Variants in CARS2 observed in about 807,000 individuals in gnomAD.
CARS2 encodes the protein cysteinyl-tRNA synthetase 2, mitochondrial, also known as probable cysteine--tRNA ligase, mitochondrial.
CARS2 carries 52 observed loss-of-function variants against 68.8 expected under a neutral mutation model. That is an observed-to-expected ratio of 0.76 (90% CI 0.61 to 0.95). The LOEUF is 0.95. Among genes scored for constraint, CARS2 ranks in the 40% least tolerant of loss-of-function variants. CARS2 has a pLI of 0.00. For missense variants in CARS2, 780 were observed against 754.2 expected (o/e 1.03, Z -0.40); for synonymous variants, 314 against 303.6 (o/e 1.03, Z -0.36).
chr13:110,642,699 T>C (rs531077614), intron 13 of CARS2, 178 bp from the exon 14 acceptor site: 1 of 768,898 alleles, frequency 1.3e-6, no homozygotes, highest in South Asian at 1.4e-5. Flanking sequence ...AGCGCTGGGC[T>C]CTGGGCAAGG....
intron 13 of CARS2, chr13:110,643,673 CAG>C (rs1887701530): frequency 6.4e-6 from 1 of 157,246 alleles, no homozygotes; most frequent in African/African-American, 2.4e-5. Context: ...CAAAGAATGA[CAG>C]GGATGTTCAG....
intron 2 of CARS2, among the ~76,000 whole-genome samples, chr13:110,702,064 G>A (rs11618941): frequency 0.066 from 10,040 of 152,208 alleles, 474 homozygotes; most frequent in Non-Finnish European, 0.11. Context: ...TACTACACTG[G>A]GGTAATTCAG....
intron 13 of CARS2, chr13:110,643,360 T>C (rs997676593): frequency 1.3e-5 from 2 of 155,124 alleles, no homozygotes; most frequent in Non-Finnish European, 2.9e-5. Context: ...AGTCGACTTT[T>C]ATGTGATTGG....
intron 14 of CARS2, among the ~76,000 whole-genome samples, chr13:110,642,038 CTAAAAATAAAAAA>C (rs2139665526): frequency 6.6e-6 from 1 of 151,884 alleles, no homozygotes; most frequent in African/African-American, 2.4e-5. Flanking sequence ...CCTGTCTCTA[CTAAAAATAAAAAA>C]TCAGCCGAGC....
At chr13:110,710,674 A>G (rs4773241), upstream of CARS2, among the ~76,000 whole-genome samples, 101,874 of 152,008 alleles carry the variant, frequency 0.67, 34,902 homozygotes, top group South Asian at 0.77. Flanking sequence ...TTATTGCTTG[A>G]TCTTCTAAGT....
chr13:110,654,021 C>T (rs1268673067), intron 9 of CARS2, among the ~76,000 whole-genome samples: 1 of 152,206 alleles, frequency 6.6e-6, no homozygotes, highest in African/African-American at 2.4e-5. Flanking sequence ...TCTCCCAGAG[C>T]CCAGGCCGGA....
chr13:110,661,394 T>C (rs899589547), intron 9 of CARS2, among the ~76,000 whole-genome samples: 4 of 152,358 alleles, frequency 2.6e-5, no homozygotes, highest in Non-Finnish European at 2.9e-5. Context: ...TCAGCCTTCA[T>C]AGAACTGAAG....
intron 1 of CARS2, chr13:110,712,537 G>GT: frequency 3.2e-6 from 1 of 313,690 alleles, no homozygotes; most frequent in Non-Finnish European, 6.3e-6. Flanking sequence ...GGAAGGGGGG[G>GT]GGCCGGCGCG....
In CARS2 at chr13:110,666,605, C is replaced by G. The variant is rs959805695; in HGVS notation, c.919+735G>C. ...TGAACTCTGCTGCGGACCAGAAAAC[C>G]AGAGCACTTCTGCACTTAATGTCAC... On this transcript the variant is annotated intron_variant, in intron 8 of 14. Coordinates refer to ENST00000257347, the MANE Select transcript of CARS2 (RefSeq NM_024537.4). The G allele has an allele frequency of 6.1e-6, 6 of 985,306 alleles. No homozygotes were observed. The African/African-American group carries it at 1.0e-4, about 17-fold the overall frequency. The allele number at this position is 985,306 out of a possible 1,614,324, so 61.0% of individuals were successfully genotyped here.
intron 7 of CARS2, among the ~76,000 whole-genome samples, chr13:110,672,298 G>T (rs1340677052): frequency 1.3e-5 from 2 of 152,074 alleles, no homozygotes; most frequent in African/African-American, 4.8e-5. Context: ...ATTCCAAAAT[G>T]GACCACATAT....
intron 1 of CARS2, among the ~76,000 whole-genome samples, chr13:110,712,013 G>A (rs2064032650): frequency 6.6e-6 from 1 of 152,214 alleles, no homozygotes; most frequent in Non-Finnish European, 1.5e-5. Context: ...CTTACCACCA[G>A]AATGTGTATC....
intron 9 of CARS2, among the ~76,000 whole-genome samples, chr13:110,658,350 G>A (rs1465365880): frequency 6.6e-6 from 1 of 152,106 alleles, no homozygotes; most frequent in Non-Finnish European, 1.5e-5. Flanking sequence ...AAGTAGAAGG[G>A]TTGTTGCCAA....
chr13:110,691,974 A>G (rs1015152746), intron 3 of CARS2, among the ~76,000 whole-genome samples: 2 of 126,270 alleles, frequency 1.6e-5, no homozygotes, highest in Non-Finnish European at 1.7e-5. Context: ...ATCCTACCAC[A>G]TAAAGCTGTG....
rs2062777299 is a variant in CARS2 at position 110,670,653 on chromosome 13, C to T, written c.786-3180G>A. Among the ~76,000 whole-genome samples, 1 of 152,198 alleles carries T rather than the reference C, an allele frequency of 6.6e-6. No homozygotes were observed. The highest frequency in any genetic ancestry group is 1.5e-5 in the Non-Finnish European group (1 of 68,034). Reference sequence around the variant, plus strand: ...AATTCTAAAAATCAGAGCGCCTCTTCTCCTCCAAAGAAACGCAGCTCCTCA... The same window carrying T: ...AATTCTAAAAATCAGAGCGCCTCTTTTCCTCCAAAGAAACGCAGCTCCTCA... On this transcript the variant is annotated intron_variant, in intron 7 of 14. Coordinates refer to ENST00000257347, the MANE Select transcript of CARS2 (RefSeq NM_024537.4). The surrounding 1 kb of genome is among the most constrained non-coding windows in gnomAD (Gnocchi z 4.1).
At chr13:110,652,142 T>G (rs72661663) in intron 9 of CARS2, among the ~76,000 whole-genome samples, 20,296 of 152,284 alleles carry the variant, frequency 0.13, 1,838 homozygotes, top group Admixed American at 0.27. Flanking sequence ...GGAGTGAGAA[T>G]TGCGTTTCCG....
rs2062613047 is a variant in CARS2, at chr13:110,665,129, G to A, written c.920-1611C>T. 1.0e-6 allele frequency: 1 copy of A among 985,336 alleles called. No homozygotes were observed. Among genetic ancestry groups the A allele is most frequent in the Non-Finnish European group, 1.2e-6 (1 of 829,920 alleles). The allele number at this position is 985,336 out of a possible 1,614,324, so 61.0% of individuals were successfully genotyped here. ...AAGATCGCTGGTATCTTAACAGGTA[G>A]TAAAAAATCACTGAAAAATAGCCAC... On this transcript the variant is annotated intron_variant, in intron 8 of 14. Transcript: ENST00000257347. This position sits in a 1 kb window ranked among gnomAD's most constrained non-coding sequence, Gnocchi z 4.3.
rs1388391654 is a variant in CARS2, at chr13:110,706,010, C to A, written c.84G>T (p.Trp28Cys). ...ALGLGRAGWH[W>C]PAGRAASGGR... ...CCCCGCTCGCCGCCCGGCCCGCAGG[C>A]CAGTGCCACCCAGCCCGCCCAAGGC... Residue 28 changes from tryptophan (W) to cysteine (C), a missense_variant, in exon 1 of 15, where the codon TGG becomes TGT. By Grantham distance (215) the Trp-to-Cys change is radical. Coordinates refer to ENST00000257347, the MANE Select transcript of CARS2 (RefSeq NM_024537.4). 6.2e-6 allele frequency: 9 copies of A among 1,456,830 alleles called. No individual in the cohort carries two copies. The highest frequency in any genetic ancestry group is 8.1e-6 in the Non-Finnish European group (9 of 1,109,792). 90.2% of individuals were successfully genotyped at this position (1,456,830 alleles called of 1,614,324 possible).
intron 5 of CARS2, among the ~76,000 whole-genome samples, chr13:110,686,073 G>A (rs894471826): frequency 7.3e-5 from 11 of 151,488 alleles, no homozygotes; most frequent in African/African-American, 2.4e-4. Context: ...AAATGCACAC[G>A]CAGCACATGC....
intron 3 of CARS2, among the ~76,000 whole-genome samples, chr13:110,690,299 T>C (rs866770940): frequency 2.0e-4 from 30 of 152,198 alleles, no homozygotes; most frequent in Middle Eastern, 3.2e-3. Context: ...AGGTAATTTA[T>C]TGCCAGGAGA....
Sources: allele counts gnomAD v4.1 joint callset (sites outside exome capture counted in the v4.1 genomes callset), GRCh38; gene constraint gnomAD v4.1.1; non-coding constraint Gnocchi (gnomAD v3.1); transcripts MANE v1.5; gene names NCBI Gene and HGNC (gene_info 2026-07-23, HGNC 2026-07-21).